ZNF350: variants seen among roughly 807,000 people sequenced by gnomAD.
ZNF350 encodes the protein KRAB zinc finger protein ZFQR.
Under a neutral mutation model 13.1 loss-of-function variants are expected in ZNF350, and 5 were observed. The ratio of observed to expected loss-of-function variants is 0.38; its 90% CI spans 0.20 to 0.80. ZNF350 has a LOEUF of 0.80. ZNF350 is among the 30% of genes least tolerant of loss of function. The pLI is 0.43. For missense variants in ZNF350, 534 were observed against 644.2 expected (o/e 0.83, Z 1.85); for synonymous variants, 199 against 224.2 (o/e 0.89, Z 1.00).
At position 51,965,515 on chromosome 19, in the gene ZNF350, G is replaced by A. The variant is rs1292776881; in HGVS notation, c.938C>T (p.Thr313Ile). Residue 313 changes from threonine to isoleucine, a missense_variant, in exon 5 of 5, where the codon ACA becomes ATA. Coordinates refer to ENST00000243644, the MANE Select transcript of ZNF350 (RefSeq NM_021632.4). The stretch of plus-strand genomic sequence containing the variant: ...ATTGCATATATAAGGTTTCTCACCT[G>A]TATGAATTCGCTGGTGTACAATGAG... ...GNLIVHQRIH[T>I]GEKPYICNEC... The A allele has an allele frequency of 6.2e-7, 1 of 1,614,160 alleles. No homozygotes were observed. The highest frequency in any genetic ancestry group is 1.1e-5 in the South Asian group (1 of 91,082).
chr19:51,965,333 A>C lies in ZNF350; in HGVS notation c.1120T>G (p.Phe374Val). 1 of 1,613,780 alleles carries C rather than the reference A, an allele frequency of 6.2e-7. No individual in the cohort carries two copies. The highest frequency in any genetic ancestry group is 8.5e-7 in the Non-Finnish European group (1 of 1,179,806). Reference sequence around the variant, plus strand: ...GCTTTCCCACATTCACTACATTCAAAGGGTTTCTCTCCTGTGTGAATTCTT... The same window carrying C: ...GCTTTCCCACATTCACTACATTCAACGGGTTTCTCTCCTGTGTGAATTCTT... ...HQRIHTGEKPFECSECGKAFS... is the reference protein window; with the variant it reads ...HQRIHTGEKPVECSECGKAFS... Residue 374 changes from phenylalanine to valine, a missense_variant, in exon 5 of 5, where the codon TTT (phenylalanine) becomes GTT (valine). By Grantham distance (50) the Phe-to-Val change is conservative (BLOSUM62 -1). Coordinates refer to ENST00000243644, the MANE Select transcript of ZNF350 (RefSeq NM_021632.4).
At chr19:51,973,311 G>GC (rs2085798253) in intron 2 of ZNF350, 1 of 152,074 alleles carries the variant, frequency 6.6e-6, no homozygotes, top group South Asian at 2.1e-4. Context: ...GACCTATGTG[G>GC]CTGATCTTAG....
At chr19:51,979,774 G>A (rs2085988903) in intron 1 of ZNF350, among the ~76,000 whole-genome samples, 1 of 152,180 alleles carries the variant, frequency 6.6e-6, no homozygotes, top group South Asian at 2.1e-4. Context: ...TCAATTAGAT[G>A]GAAAAGGTGA....
At chr19:51,968,466 G>C (rs937086800) in intron 4 of ZNF350, 112 bp downstream of exon 4, 1 of 913,616 alleles carries the variant, frequency 1.1e-6, no homozygotes, top group Non-Finnish European at 1.8e-6. Flanking sequence ...CTGGGAGACA[G>C]ATGAGTAGAG....
intron 3 of ZNF350, 92 bp downstream of exon 3, chr19:51,968,913 G>A (rs2085653705): frequency 1.2e-6 from 2 of 1,611,780 alleles, no homozygotes; most frequent in Admixed American, 1.7e-5. Flanking sequence ...TACCACTTCA[G>A]AGTACTGCAG....
At chr19:51,972,349 A>G (rs1159769991) in intron 2 of ZNF350, among the ~76,000 whole-genome samples, 1 of 151,684 alleles carries the variant, frequency 6.6e-6, no homozygotes, top group Non-Finnish European at 1.5e-5. Flanking sequence ...AGTAAAAAAT[A>G]AACTCATAGT....
intron 1 of ZNF350, among the ~76,000 whole-genome samples, chr19:51,982,847 C>T (rs1343673123): frequency 6.6e-6 from 1 of 152,126 alleles, no homozygotes; most frequent in Non-Finnish European, 1.5e-5. Flanking sequence ...TATAGAGACT[C>T]AATGGCAATG....
intron 1 of ZNF350, chr19:51,977,002 A>C (rs556912817): frequency 6.6e-6 from 1 of 152,218 alleles, no homozygotes; most frequent in South Asian, 2.1e-4. Context: ...CACAGCTCCA[A>C]TTAAAAATAA....
At chr19:51,983,678 ACTC>A (rs1239585027) in intron 1 of ZNF350, among the ~76,000 whole-genome samples, 1 of 152,064 alleles carries the variant, frequency 6.6e-6, no homozygotes, top group African/African-American at 2.4e-5. Context: ...AGAGTCCTTT[ACTC>A]ACATGTTTTC....
intron 4 of ZNF350, among the ~76,000 whole-genome samples, chr19:51,966,483 C>T (rs560127917): frequency 6.6e-6 from 1 of 151,964 alleles, no homozygotes; most frequent in African/African-American, 2.4e-5. Flanking sequence ...GGGGTCTCAC[C>T]ATGTTGGCCA....
chr19:51,968,436 A>C (rs2085638083), intron 4 of ZNF350, 142 bp downstream of exon 4: 3 of 713,264 alleles, frequency 4.2e-6, no homozygotes, highest in East Asian at 2.6e-5. Flanking sequence ...AAATTCCTAC[A>C]AAGAAAAACT....
At chr19:51,977,580 C>T (rs2085929195) in intron 1 of ZNF350, among the ~76,000 whole-genome samples, 2 of 152,196 alleles carry the variant, frequency 1.3e-5, no homozygotes, top group African/African-American at 4.8e-5. Context: ...GCGCCTGGGC[C>T]ACAATCCTGA....
intron 1 of ZNF350, among the ~76,000 whole-genome samples, chr19:51,975,075 T>TA (rs1395885373): frequency 6.6e-6 from 1 of 152,174 alleles, no homozygotes. Flanking sequence ...AGGTGGTGAA[T>TA]AAAGTTGACG....
chr19:51,985,278 C>T (rs1389783344), intron 1 of ZNF350, among the ~76,000 whole-genome samples: 1 of 152,116 alleles, frequency 6.6e-6, no homozygotes, highest in East Asian at 1.9e-4. Context: ...GGTAATAAAA[C>T]AAGAACGTCC....
intron 1 of ZNF350, among the ~76,000 whole-genome samples, chr19:51,985,690 G>A (rs1022590739): frequency 6.6e-6 from 1 of 152,134 alleles, no homozygotes; most frequent in Non-Finnish European, 1.5e-5. Context: ...AATATAAGGC[G>A]GGCAAGCAAC....
intron 1 of ZNF350, among the ~76,000 whole-genome samples, chr19:51,978,281 A>C (rs2085948389): frequency 6.6e-6 from 1 of 152,214 alleles, no homozygotes; most frequent in Non-Finnish European, 1.5e-5. Flanking sequence ...AGAAAGAATC[A>C]CATTAGTTAG....
intron 1 of ZNF350, among the ~76,000 whole-genome samples, chr19:51,981,539 C>T (rs938516391): frequency 6.6e-6 from 1 of 152,110 alleles, no homozygotes; most frequent in Non-Finnish European, 1.5e-5. Context: ...ATCACACACC[C>T]GCCTCAGCCT....
intron 4 of ZNF350, among the ~76,000 whole-genome samples, chr19:51,967,997 A>G (rs966585622): frequency 2.6e-5 from 4 of 152,156 alleles, no homozygotes; most frequent in African/African-American, 9.7e-5. Context: ...AGGAGTTTAA[A>G]CTTACTAGAA....
At chr19:51,984,799 C>A (rs1041246250) in intron 1 of ZNF350, among the ~76,000 whole-genome samples, 7 of 152,116 alleles carry the variant, frequency 4.6e-5, no homozygotes, top group African/African-American at 1.7e-4. Flanking sequence ...ATGTAGCCTG[C>A]AAGCCCTAAA....
Sources: gnomAD v4.1 joint callset for allele counts (sites outside exome capture counted in the v4.1 genomes callset) on GRCh38, gnomAD v4.1.1 for gene constraint, MANE v1.5 for transcripts, NCBI Gene and HGNC (gene_info 2026-07-23, HGNC 2026-07-21) for gene names.